The following LYPLAL1 variants were observed in gnomAD, a reference collection of about 807,000 sequenced individuals.
LYPLAL1 encodes the protein lysophospholipase-like protein 1.
A neutral mutation model predicts 19.7 loss-of-function variants in LYPLAL1; 23 were observed. That is an observed-to-expected ratio of 1.17 (90% confidence interval 0.84 to 1.65). The LOEUF (loss-of-function observed/expected upper bound fraction) is 1.65. LYPLAL1 is among the 40% of genes most tolerant of loss of function. The pLI, the probability that LYPLAL1 is intolerant of heterozygous loss-of-function variation, is 0.00. For missense variants in LYPLAL1, 355 were observed against 279.4 expected, an observed-to-expected ratio of 1.27 and a Z score of -1.93; for synonymous variants, 119 against 96.3, an observed-to-expected ratio of 1.24 and a Z score of -1.38.
At chr1:219,339,897 TG>T in the LYPLAL1 span, among the ~76,000 whole-genome samples, 3 of 152,102 alleles carry the variant, frequency 2.0e-5, no homozygotes, top group African/African-American at 7.2e-5. Flanking sequence ...ACAGCATTTT[TG>T]CACCACATAT....
chr1:219,380,941 T>C, the LYPLAL1 span, among the ~76,000 whole-genome samples: 9 of 152,126 alleles, frequency 5.9e-5, no homozygotes, highest in Non-Finnish European at 1.0e-4. Context: ...GGCCATAGTT[T>C]GCCAACCCTT....
At chr1:219,282,393 A>G in the LYPLAL1 span, among the ~76,000 whole-genome samples, 1 of 152,050 alleles carries the variant, frequency 6.6e-6, no homozygotes, top group Admixed American at 6.6e-5. Context: ...TCCAGAAAGA[A>G]AAGAGAGAAA....
chr1:219,382,367 G>A, the LYPLAL1 span, among the ~76,000 whole-genome samples: 1 of 151,864 alleles, frequency 6.6e-6, no homozygotes, highest in South Asian at 2.1e-4. Context: ...TTTGTTGTTT[G>A]TTTGTTTTTT....
chr1:219,347,365 ATT>A, the LYPLAL1 span, among the ~76,000 whole-genome samples: 1 of 152,210 alleles, frequency 6.6e-6, no homozygotes, highest in African/African-American at 2.4e-5. Flanking sequence ...ATACCCCCAA[ATT>A]CTTTCATTAA....
the LYPLAL1 span, among the ~76,000 whole-genome samples, chr1:219,395,234 C>G: frequency 2.0e-5 from 3 of 152,214 alleles, no homozygotes; most frequent in Admixed American, 1.3e-4. Flanking sequence ...ATTTTACACT[C>G]TCACTAACAG....
the LYPLAL1 span, among the ~76,000 whole-genome samples, chr1:219,418,991 C>G: frequency 2.6e-5 from 4 of 152,120 alleles, no homozygotes; most frequent in Admixed American, 2.6e-4. Context: ...AGCTCATTTC[C>G]TTTTAGCACT....
At chr1:219,380,422 A>G in the LYPLAL1 span, among the ~76,000 whole-genome samples, 1 of 152,232 alleles carries the variant, frequency 6.6e-6, no homozygotes, top group Non-Finnish European at 1.5e-5. Flanking sequence ...TCATTGGAAG[A>G]GTCCTGGGGA....
chr1:219,190,413 T>G (rs1367783873), intron 2 of LYPLAL1, among the ~76,000 whole-genome samples: 1 of 151,460 alleles, frequency 6.6e-6, no homozygotes, highest in East Asian at 1.9e-4. Context: ...AAAATGAATT[T>G]GAATCCTTAG....
At chr1:219,176,729 G>A (rs1376763074) in intron 1 of LYPLAL1, among the ~76,000 whole-genome samples, 1 of 152,124 alleles carries the variant, frequency 6.6e-6, no homozygotes, top group Non-Finnish European at 1.5e-5. Context: ...TGTGTCACTG[G>A]TGTATAGGTA....
At chr1:219,421,076 G>T in the LYPLAL1 span, among the ~76,000 whole-genome samples, 24 of 152,122 alleles carry the variant, frequency 1.6e-4, no homozygotes, top group African/African-American at 4.3e-4. Flanking sequence ...TAAACAATTT[G>T]CTTGAGATTT....
Position 219,198,768 on chromosome 1 carries a change from G to A in LYPLAL1, c.361+5517G>A, listed in dbSNP as rs1311202680. ...ATATTACGTGAATGCACAAAAGATG[G>A]TAAGTAAAATTAGAAGTGAACTAAT... On this transcript the variant is annotated intron_variant, in intron 3 of 4. Coordinates refer to ENST00000366928, the MANE Select transcript of LYPLAL1 (RefSeq NM_138794.5). 3 of 152,086 alleles carry A rather than the reference G, an allele frequency of 2.0e-5. No homozygotes were observed. In the East Asian group the frequency reaches 5.8e-4, roughly 29 times the overall value. The allele number at this position is 152,086 out of a possible 1,614,324, so 9.4% of individuals were successfully genotyped here.
chr1:219,280,831 C>A, the LYPLAL1 span, among the ~76,000 whole-genome samples: 1 of 152,076 alleles, frequency 6.6e-6, no homozygotes, highest in Non-Finnish European at 1.5e-5. Context: ...GCAAAATACC[C>A]GAGGTCAGGG....
chr1:219,238,821 T>TAAA, the LYPLAL1 span, among the ~76,000 whole-genome samples: 1 of 152,156 alleles, frequency 6.6e-6, no homozygotes, highest in African/African-American at 2.4e-5. Flanking sequence ...AACAAGATAA[T>TAAA]TGGACTGTGA....
At chr1:219,308,793 C>T in the LYPLAL1 span, among the ~76,000 whole-genome samples, 2 of 152,194 alleles carry the variant, frequency 1.3e-5, no homozygotes, top group Non-Finnish European at 2.9e-5. Context: ...GTAGGGCTCT[C>T]ACAGAGAACC....
At chr1:219,317,346 A>G in the LYPLAL1 span, among the ~76,000 whole-genome samples, 6 of 152,146 alleles carry the variant, frequency 3.9e-5, no homozygotes, top group Non-Finnish European at 7.4e-5. Flanking sequence ...ATTCACAGGA[A>G]CTATTTTCAG....
the LYPLAL1 span, among the ~76,000 whole-genome samples, chr1:219,440,517 C>G: frequency 6.6e-6 from 1 of 152,080 alleles, no homozygotes; most frequent in Admixed American, 6.6e-5. Flanking sequence ...TGAGGAGCCT[C>G]TTACTGGCCA....
chr1:219,293,378 A>G, the LYPLAL1 span, among the ~76,000 whole-genome samples: 1 of 152,184 alleles, frequency 6.6e-6, no homozygotes, highest in South Asian at 2.1e-4. Context: ...GAAAGAAATA[A>G]TCCCATTCCC....
At chr1:219,214,743 T>G (rs1449132235), downstream of LYPLAL1, among the ~76,000 whole-genome samples, 1 of 147,488 alleles carries the variant, frequency 6.8e-6, no homozygotes, top group Non-Finnish European at 1.5e-5. Flanking sequence ...TCTACTAGAG[T>G]ACAGTGGCGT....
At chr1:219,315,658 A>G in the LYPLAL1 span, among the ~76,000 whole-genome samples, 52,704 of 152,014 alleles carry the variant, frequency 0.35, 10,016 homozygotes, top group East Asian at 0.81. Context: ...TCACCAACCC[A>G]CCTCCAATAC....
Sources: allele counts gnomAD v4.1 joint callset (sites outside exome capture counted in the v4.1 genomes callset), GRCh38; gene constraint gnomAD v4.1.1; transcripts MANE v1.5; gene names NCBI Gene and HGNC (gene_info 2026-07-23, HGNC 2026-07-21).